TMC1: variants seen among roughly 807,000 people sequenced by gnomAD.
TMC1 encodes the protein transmembrane channel-like protein 1.
Under a neutral mutation model 105.8 loss-of-function variants are expected in TMC1, and 84 were observed. That is an observed-to-expected ratio of 0.79 (90% CI 0.67 to 0.95). TMC1 has a LOEUF of 0.95. TMC1 is among the 40% of genes least tolerant of loss of function. TMC1 has a pLI of 0.00. For synonymous variants in TMC1, 315 were observed against 311.5 expected (o/e 1.01, Z -0.12); for missense variants, 817 against 914.1 (o/e 0.89, Z 1.37).
At chr9:72,820,760 A>C (rs1408903495) in intron 19 of TMC1, 82 bp from the exon 20 acceptor site, 2 of 1,565,462 alleles carry the variant, frequency 1.3e-6, no homozygotes, top group African/African-American at 2.7e-5. Context: ...GAAAAGAAGC[A>C]TGATGTCAAA....
chr9:72,543,510 C>T (rs1397296974), intron 1 of TMC1, among the ~76,000 whole-genome samples: 2 of 152,320 alleles, frequency 1.3e-5, no homozygotes, highest in Admixed American at 6.5e-5. Context: ...GAGCCAGGCA[C>T]AGTGGCTCAC....
intron 1 of TMC1, among the ~76,000 whole-genome samples, chr9:72,570,562 T>A (rs1315582739): frequency 6.6e-6 from 1 of 151,968 alleles, no homozygotes; most frequent in Non-Finnish European, 1.5e-5. Flanking sequence ...TAAATTCATT[T>A]CTTATATTTT....
At chr9:72,751,438 T>C (rs1204847118) in intron 10 of TMC1, among the ~76,000 whole-genome samples, 2 of 152,236 alleles carry the variant, frequency 1.3e-5, no homozygotes, top group Non-Finnish European at 2.9e-5. Context: ...ATAGCAGTAA[T>C]TATAATTATA....
intron 1 of TMC1, among the ~76,000 whole-genome samples, chr9:72,555,973 CAAAAAAAAAAAAA>C (rs59431883): frequency 9.2e-4 from 39 of 42,576 alleles, no homozygotes; most frequent in Admixed American, 1.3e-3. Flanking sequence ...ATGACTAAGG[CAAAAAAAAAAAAA>C]AAAAAAAAAA....
At chr9:72,531,816 C>A (rs116852248) in intron 1 of TMC1, among the ~76,000 whole-genome samples, 1 of 152,144 alleles carries the variant, frequency 6.6e-6, no homozygotes, top group African/African-American at 2.4e-5. Flanking sequence ...GCCCTCAATT[C>A]AAAAATGCTC....
At chr9:72,601,644 C>CAAACA (rs745893076) in intron 2 of TMC1, among the ~76,000 whole-genome samples, 4 of 150,976 alleles carry the variant, frequency 2.6e-5, no homozygotes, top group African/African-American at 9.8e-5. Context: ...GACCCTGTCT[C>CAAACA]GAACAAAACA....
chr9:72,536,809 G>A (rs1400990595), intron 1 of TMC1, among the ~76,000 whole-genome samples: 4 of 152,120 alleles, frequency 2.6e-5, no homozygotes, highest in Non-Finnish European at 1.5e-5. Flanking sequence ...GCCTTTTTCA[G>A]GCTGCAGTTG....
intron 21 of TMC1, among the ~76,000 whole-genome samples, chr9:72,828,856 C>G (rs1173546319): frequency 1.3e-5 from 2 of 152,184 alleles, no homozygotes; most frequent in African/African-American, 4.8e-5. Flanking sequence ...TTTCCTAATT[C>G]GAGGGCCAGA....
chr9:72,809,987 T>C (rs905043240), intron 18 of TMC1, among the ~76,000 whole-genome samples: 3 of 151,864 alleles, frequency 2.0e-5, no homozygotes, highest in African/African-American at 7.3e-5. Context: ...CGTGCATCAG[T>C]AGAAATGCAG....
At chr9:72,776,339 G>A (rs1588077993) in intron 13 of TMC1, among the ~76,000 whole-genome samples, 1 of 151,988 alleles carries the variant, frequency 6.6e-6, no homozygotes, top group Non-Finnish European at 1.5e-5. Context: ...ATGACAGTAT[G>A]TTCATCCATA....
At chr9:72,596,675 C>T (rs1824727088) in intron 2 of TMC1, among the ~76,000 whole-genome samples, 1 of 151,790 alleles carries the variant, frequency 6.6e-6, no homozygotes, top group Non-Finnish European at 1.5e-5. Flanking sequence ...AGGAATTGTA[C>T]ATACCGTTCT....
chr9:72,565,394 ATT>A (rs1824131524), intron 1 of TMC1, among the ~76,000 whole-genome samples: 2 of 152,322 alleles, frequency 1.3e-5, no homozygotes, highest in Admixed American at 1.3e-4. Flanking sequence ...GCTCTTTCTT[ATT>A]CCTGCTAGGA....
chr9:72,580,079 C>T (rs115297359), intron 2 of TMC1, among the ~76,000 whole-genome samples: 5,728 of 152,146 alleles, frequency 0.038, 154 homozygotes, highest in Middle Eastern at 0.095. Flanking sequence ...GAGCGTGGTC[C>T]GTGGACTAGC....
chr9:72,773,412 C>A (rs1290680576), intron 13 of TMC1, among the ~76,000 whole-genome samples: 1 of 152,112 alleles, frequency 6.6e-6, no homozygotes, highest in African/African-American at 2.4e-5. Context: ...AGCAGGAGCT[C>A]TCTGAAGCAG....
At chr9:72,748,620 C>T (rs1318346007) in intron 10 of TMC1, among the ~76,000 whole-genome samples, 1 of 152,084 alleles carries the variant, frequency 6.6e-6, no homozygotes, top group Non-Finnish European at 1.5e-5. Context: ...TTTAGTCACA[C>T]TAATCAGGCA....
intron 3 of TMC1, among the ~76,000 whole-genome samples, chr9:72,619,862 G>A (rs981778331): frequency 2.6e-5 from 4 of 151,852 alleles, no homozygotes; most frequent in Non-Finnish European, 4.4e-5. Context: ...TTGAGACAGA[G>A]TCTCGCTCTG....
chr9:72,552,507 G>A (rs1823874798), intron 1 of TMC1, among the ~76,000 whole-genome samples: 1 of 152,060 alleles, frequency 6.6e-6, no homozygotes, highest in African/African-American at 2.4e-5. Context: ...GTTGTATTTG[G>A]GGGACACATC....
chr9:72,691,699 C>T (rs879841477), intron 6 of TMC1, among the ~76,000 whole-genome samples: 23 of 152,098 alleles, frequency 1.5e-4, no homozygotes, highest in Non-Finnish European at 2.4e-4. Flanking sequence ...TTCCAGTAGT[C>T]CCCAGGCATC....
At chr9:72,824,107 T>A (rs1452581450) in intron 20 of TMC1, among the ~76,000 whole-genome samples, 1 of 152,250 alleles carries the variant, frequency 6.6e-6, no homozygotes, top group South Asian at 2.1e-4. Context: ...GAGTGCGGGA[T>A]CTGGCGAGAC....
Sources: allele counts gnomAD v4.1 joint callset (sites outside exome capture counted in the v4.1 genomes callset), GRCh38; gene constraint gnomAD v4.1.1; transcripts MANE v1.5; gene names NCBI Gene and HGNC (gene_info 2026-07-23, HGNC 2026-07-21).